The following NFASC variants were observed in gnomAD, a reference collection of about 807,000 sequenced individuals.
The protein encoded by NFASC is neurofascin.
A neutral mutation model predicts 147.5 loss-of-function variants in NFASC; 43 were observed. The observed-to-expected ratio is 0.29, with a 90% CI of 0.23 to 0.38. NFASC has a LOEUF of 0.38. Ranked by LOEUF, NFASC falls within the 10% of genes least tolerant of loss-of-function variation. NFASC has a pLI of 1.00. For synonymous variants in NFASC, 622 were observed against 665.5 expected (o/e 0.93, Z 1.01); for missense variants, 1,320 against 1,689.0 (o/e 0.78, Z 3.83).
At chr1:204,903,894 A>G (rs143453357) in intron 1 of NFASC, among the ~76,000 whole-genome samples, 1,839 of 152,264 alleles carry the variant, frequency 0.012, 33 homozygotes, top group African/African-American at 0.04. Flanking sequence ...TTATCTTTTT[A>G]TCTTTCACAG....
intron 1 of NFASC, among the ~76,000 whole-genome samples, chr1:204,857,919 C>CTTTTTTTTTTTTTT (rs58996261): frequency 8.2e-6 from 1 of 122,590 alleles, no homozygotes; most frequent in East Asian, 2.7e-4. Flanking sequence ...TCTTCTTCTT[C>CTTTTTTTTTTTTTT]TTTTTTTTTT....
intron 1 of NFASC, among the ~76,000 whole-genome samples, chr1:204,913,524 A>G (rs2088258812): frequency 6.6e-6 from 1 of 152,234 alleles, no homozygotes; most frequent in Non-Finnish European, 1.5e-5. Flanking sequence ...AGAATTTAGT[A>G]GTGTGTATGA....
intron 2 of NFASC, among the ~76,000 whole-genome samples, chr1:204,932,704 A>C (rs1370842548): frequency 6.6e-6 from 1 of 152,196 alleles, no homozygotes; most frequent in Non-Finnish European, 1.5e-5. Context: ...AAAGTTCAGT[A>C]GTCGTGACAG....
chr1:204,944,455 A>C, intron 3 of NFASC, 49 bp downstream of exon 3: 4 of 385,420 alleles, frequency 1.0e-5, no homozygotes, highest in Non-Finnish European at 2.0e-5. Flanking sequence ...TTTTGGGCAG[A>C]GGGGTGGGAG....
intron 1 of NFASC, among the ~76,000 whole-genome samples, chr1:204,864,700 G>A (rs2076977247): frequency 6.6e-6 from 1 of 152,122 alleles, no homozygotes; most frequent in African/African-American, 2.4e-5. Context: ...TCTGTTCAAA[G>A]TTCCTTGCTG....
intron 1 of NFASC, among the ~76,000 whole-genome samples, chr1:204,854,342 G>T (rs1250873828): frequency 6.6e-6 from 1 of 152,126 alleles, no homozygotes; most frequent in Admixed American, 6.6e-5. Context: ...TGGCACCTGG[G>T]AACTTGGTGT....
At chr1:204,878,402 T>C (rs2103243880) in intron 1 of NFASC, among the ~76,000 whole-genome samples, 1 of 152,340 alleles carries the variant, frequency 6.6e-6, no homozygotes, top group East Asian at 1.9e-4. Flanking sequence ...GCAATTACTT[T>C]TGCACTAACT....
intron 1 of NFASC, among the ~76,000 whole-genome samples, chr1:204,837,236 G>C (rs1674033156): frequency 6.6e-6 from 1 of 151,986 alleles, no homozygotes; most frequent in South Asian, 2.1e-4. Flanking sequence ...AAGTCTTTGG[G>C]GAAGGTTCTG....
At chr1:204,864,155 C>G (rs1166817216) in intron 1 of NFASC, among the ~76,000 whole-genome samples, 2 of 152,122 alleles carry the variant, frequency 1.3e-5, no homozygotes, top group East Asian at 3.8e-4. Context: ...TGGTTTATTT[C>G]ACTTAGCATA....
At chr1:204,970,493 C>A in intron 10 of NFASC, 123 bp from the exon 11 acceptor site, 3 of 1,098,062 alleles carry the variant, frequency 2.7e-6, no homozygotes, top group Non-Finnish European at 4.0e-6. Flanking sequence ...AGCCCTGGGG[C>A]AGGTGGTGAG....
At chr1:204,966,156 C>A (rs1048827066) in intron 8 of NFASC, among the ~76,000 whole-genome samples, 1 of 152,178 alleles carries the variant, frequency 6.6e-6, no homozygotes, top group African/African-American at 2.4e-5. Context: ...TGCTAGCCCA[C>A]ATCCTACAAA....
In NFASC at chr1:204,976,785, C is replaced by T; in HGVS notation, c.1821C>T (p.Leu607=). The change falls in exon 16 of 30, where the codon CTC becomes CTT. Residue 607 remains leucine (L), a synonymous_variant. Transcript: ENST00000339876. ...ACCAAGACCTGGCCAAGGCCTACCT[C>T]ACCGTGCTAGGTAACTGCCCATGCT... is the stretch of plus-strand genomic sequence containing the variant. The part of the protein sequence containing the change: ...ELDQDLAKAY[L]TVLADQATPT... 1 of 1,613,894 alleles carries T rather than the reference C, an allele frequency of 6.2e-7. No homozygotes were observed.
Position 205,018,877 on chromosome 1 carries a change from G to C in NFASC, c.*2338G>C, listed in dbSNP as rs989444677. Reference sequence around the variant, plus strand: ...AGTCTGCCACACCACCTGGTGACTGGGAAGGGCTGCTTCTCTCGTAAGGGT... The same window carrying C: ...AGTCTGCCACACCACCTGGTGACTGCGAAGGGCTGCTTCTCTCGTAAGGGT... On this transcript the variant is annotated 3_prime_UTR_variant, in exon 30 of 30. Transcript: ENST00000339876. 1 of 152,282 alleles carries C rather than the reference G, an allele frequency of 6.6e-6. No individual in the cohort carries two copies. The highest frequency in any genetic ancestry group is 1.5e-5 in the Non-Finnish European group (1 of 68,116). The allele number at this position is 152,282 out of a possible 1,614,324, so 9.4% of individuals were successfully genotyped here.
intron 27 of NFASC, among the ~76,000 whole-genome samples, chr1:205,008,037 C>T (rs2096166048): frequency 6.6e-6 from 1 of 152,172 alleles, no homozygotes; most frequent in Admixed American, 6.5e-5. Context: ...CAGGCCTCAC[C>T]TGCTTTTCAG....
intron 1 of NFASC, among the ~76,000 whole-genome samples, chr1:204,877,027 TAA>T (rs1491288710): frequency 2.0e-4 from 17 of 85,116 alleles, no homozygotes; most frequent in African/African-American, 1.0e-3. Context: ...TATATATATA[TAA>T]TATATATTTA....
At chr1:204,874,084 G>T (rs2078253011) in intron 1 of NFASC, among the ~76,000 whole-genome samples, 1 of 152,180 alleles carries the variant, frequency 6.6e-6, no homozygotes, top group Admixed American at 6.5e-5. Context: ...ACTAATCCAT[G>T]AAATCATTAG....
chr1:204,945,720 T>C (rs1199594109), intron 3 of NFASC, among the ~76,000 whole-genome samples: 1 of 152,082 alleles, frequency 6.6e-6, no homozygotes, highest in Non-Finnish European at 1.5e-5. Flanking sequence ...AGAGGAGAGT[T>C]GTGAAAGGAC....
In NFASC at chr1:204,951,887, C is replaced by A. The variant is rs965142132; in HGVS notation, c.110-124C>A. 108 of 695,336 alleles carry A rather than the reference C, an allele frequency of 1.6e-4. 1 individual carries two copies. The highest frequency in any genetic ancestry group is 2.6e-4 in the Admixed American group (11 of 43,010). 43.1% of individuals were successfully genotyped at this position (695,336 alleles called of 1,614,324 possible). A position where few individuals can be genotyped will look rare whatever the true frequency, so the allele number is the denominator to read the frequency against. On this transcript the variant is annotated intron_variant, in intron 4 of 29. Coordinates refer to ENST00000339876, the MANE Select transcript of NFASC (RefSeq NM_001005388.3). Reference sequence around the variant, plus strand: ...GAATGGGGCCCTGTTCACCGCCCCCCACACCCCACCCACTTGCCTGCTTGC... The same window carrying A: ...GAATGGGGCCCTGTTCACCGCCCCCAACACCCCACCCACTTGCCTGCTTGC...
intron 1 of NFASC, among the ~76,000 whole-genome samples, chr1:204,882,950 T>C (rs1006391363): frequency 1.3e-5 from 2 of 152,052 alleles, no homozygotes; most frequent in Admixed American, 1.3e-4. Flanking sequence ...AGGTATTCTT[T>C]CCTTTGGAAT....
Sources: allele counts gnomAD v4.1 joint callset (sites outside exome capture counted in the v4.1 genomes callset), GRCh38; gene constraint gnomAD v4.1.1; transcripts MANE v1.5; gene names NCBI Gene and HGNC (gene_info 2026-07-23, HGNC 2026-07-21).